The following PMS2 variants were observed in gnomAD, a reference collection of about 807,000 sequenced individuals.
PMS2 encodes PMS1 homolog 2, mismatch repair system component, also known as mismatch repair endonuclease PMS2.
In PMS2, 69 loss-of-function variants were observed where a neutral mutation model predicts 90.0. The ratio of observed to expected loss-of-function variants is 0.77; its 90% CI spans 0.63 to 0.94. The LOEUF (loss-of-function observed/expected upper bound fraction) is 0.94, where lower values mean the gene tolerates loss of function less well. Among genes scored for constraint, PMS2 ranks in the 40% least tolerant of loss-of-function variants. The pLI is 0.00. For missense variants in PMS2, 966 were observed against 1,040.2 expected, an observed-to-expected ratio of 0.93 and a Z score of 0.98; for synonymous variants, 332 against 375.1, an observed-to-expected ratio of 0.89 and a Z score of 1.33.
At chr7:5,984,528 T>C (rs1038073268) in intron 11 of PMS2, among the ~76,000 whole-genome samples, 1 of 151,762 alleles carries the variant, frequency 6.6e-6, no homozygotes, top group African/African-American at 2.4e-5. Context: ...AGCTGTAATG[T>C]AATCCCAGCA....
At position 5,989,876 on chromosome 7, in the gene PMS2, CT is replaced by C. The variant is rs587781395; in HGVS notation, c.1067del (p.Lys356ArgfsTer4). On this transcript the variant is annotated frameshift_variant, in exon 10 of 15. Transcript: ENST00000265849. LOFTEE classifies it high-confidence loss of function. ...QEEKLLLAVL[K>X]TSLIGMFDSD... ...TATCAAACATTCCTATCAAAGAGGT[CT>C]TTAAAACTGCCAACAAAAGCTTTTC... 1.2e-6 allele frequency: 2 copies of C among 1,612,310 alleles called. No individual in the cohort carries two copies. Among genetic ancestry groups the C allele is most frequent in the Non-Finnish European group, 1.7e-6 (2 of 1,178,678 alleles).
rs1255444516 is a variant in PMS2, at chr7:5,988,176, A to C, written c.1145-556T>G. On this transcript the variant is annotated intron_variant, in intron 10 of 14. Transcript: ENST00000265849. ...GATCAGGATCAAGAGGAATGCCTGA[A>C]TACCTCTGGTAGGAATGAACCTGGT... 6.6e-5 allele frequency among the ~76,000 whole-genome samples: 10 copies of C among 152,130 alleles called. No homozygotes were observed. In the East Asian group the frequency reaches 1.9e-3, roughly 29 times the overall value.
rs876658444 is a variant in PMS2 at position 6,004,062 on chromosome 7, G to A, written c.164-4C>T. On this transcript the variant is annotated splice_region_variant and splice_polypyrimidine_tract_variant and intron_variant, in intron 2 of 14. Transcript: ENST00000265849. ...CCATAGTCCTTAAGCTTTAGATCTA[G>A]AAAGTTTAAAATATTTACATATTTA... is the stretch of plus-strand genomic sequence containing the variant. The A allele has an allele frequency of 1.3e-6, 2 of 1,506,308 alleles. No homozygotes were observed. The highest frequency in any genetic ancestry group is 1.8e-6 in the Non-Finnish European group (2 of 1,085,182). 93.3% of individuals were successfully genotyped at this position (1,506,308 alleles called of 1,614,324 possible). A position where few individuals can be genotyped will look rare whatever the true frequency, so the allele number is the denominator to read the frequency against.
At chr7:5,978,211 CT>C (rs1296305979) in intron 13 of PMS2, among the ~76,000 whole-genome samples, 1 of 150,358 alleles carries the variant, frequency 6.7e-6, no homozygotes, top group Non-Finnish European at 1.5e-5. Context: ...TTAAAAAAAA[CT>C]GGTCTATATG....
upstream of PMS2, chr7:6,009,064 C>T: frequency 6.2e-7 from 1 of 1,607,486 alleles, no homozygotes; most frequent in Non-Finnish European, 8.5e-7. Flanking sequence ...AAGTTCCCTC[C>T]AGGGCTCCCA....
chr7:5,995,709 T>A, intron 7 of PMS2, 76 bp from the exon 8 acceptor site: 1 of 1,020,606 alleles, frequency 9.8e-7, no homozygotes, highest in Non-Finnish European at 1.6e-6. Flanking sequence ...GGCACATTCT[T>A]AAAGTGAAAT....
At chr7:6,002,935 ATTTGT>A (rs1785266126) in intron 4 of PMS2, among the ~76,000 whole-genome samples, 1 of 152,210 alleles carries the variant, frequency 6.6e-6, no homozygotes, top group African/African-American at 2.4e-5. Flanking sequence ...ACAAACACAG[ATTTGT>A]TTTGTTATTA....
At chr7:5,989,678 AAAAATGAT>A in intron 10 of PMS2, 114 bp downstream of exon 10, 1 of 741,158 alleles carries the variant, frequency 1.3e-6, no homozygotes, top group East Asian at 2.8e-5. Context: ...AAAAAGAATT[AAAAATGAT>A]AAAATAATAT....
At chr7:5,994,707 C>T (rs557991954) in intron 8 of PMS2, among the ~76,000 whole-genome samples, 7 of 150,666 alleles carry the variant, frequency 4.6e-5, no homozygotes, top group South Asian at 2.1e-4. Context: ...ACCTGGGAGG[C>T]GGAGCTTGCA....
intron 5 of PMS2, among the ~76,000 whole-genome samples, chr7:6,000,289 C>G (rs1784951211): frequency 6.7e-6 from 1 of 149,420 alleles, no homozygotes; most frequent in Non-Finnish European, 1.5e-5. Context: ...TGGGAAGATT[C>G]ATTGAGCCTG....
At chr7:5,986,620 A>T in intron 11 of PMS2, 139 bp downstream of exon 11, 1 of 594,178 alleles carries the variant, frequency 1.7e-6, no homozygotes, top group South Asian at 2.7e-5. Context: ...TGAACCCGGG[A>T]GGTGGAGGCT....
At chr7:5,985,085 A>G (rs1782708038) in intron 11 of PMS2, among the ~76,000 whole-genome samples, 1 of 150,858 alleles carries the variant, frequency 6.6e-6, no homozygotes, top group Non-Finnish European at 1.5e-5. Context: ...CAAAAACCAC[A>G]CCAGTGATTT....
intron 5 of PMS2, among the ~76,000 whole-genome samples, chr7:6,001,204 A>G (rs1326617501): frequency 6.6e-6 from 1 of 151,594 alleles, no homozygotes; most frequent in Non-Finnish European, 1.5e-5. Context: ...TATACTATAC[A>G]CATTTAGGCT....
chr7:5,994,737 C>G (rs1452938284), intron 8 of PMS2, among the ~76,000 whole-genome samples: 1 of 151,472 alleles, frequency 6.6e-6, no homozygotes, highest in Non-Finnish European at 1.5e-5. Flanking sequence ...GACCACGCCA[C>G]TGCACTCCAG....
chr7:6,001,373 C>CTTTT (rs35742778), intron 5 of PMS2, among the ~76,000 whole-genome samples: 4 of 138,724 alleles, frequency 2.9e-5, no homozygotes, highest in African/African-American at 5.4e-5. Flanking sequence ...GAGAAATATT[C>CTTTT]TTTTTTTTTT....
rs762387250 is a variant in PMS2 at position 5,999,165 on chromosome 7, G to A, written c.648C>T (p.Cys216=). 6.2e-7 allele frequency: 1 copy of A among 1,614,092 alleles called. No homozygotes were observed. Among genetic ancestry groups the A allele is most frequent in the Non-Finnish European group, 8.5e-7 (1 of 1,180,014 alleles). ...CCTTTATGCTGGGGCTTCCACCTGT[G>A]CATACCACAGGCTGTCGTTTTCCTT... ...LGQGKRQPVV[C]TGGSPSIKEN... Residue 216 remains cysteine, a synonymous_variant, in exon 6 of 15, where the codon TGC becomes TGT. Coordinates refer to ENST00000265849, the MANE Select transcript of PMS2 (RefSeq NM_000535.7).
chr7:6,008,147 G>A (rs878916616), intron 1 of PMS2, among the ~76,000 whole-genome samples: 1 of 152,172 alleles, frequency 6.6e-6, no homozygotes, highest in South Asian at 2.1e-4. Context: ...GTGAGTCACC[G>A]CTCTCGGCCC....
intron 5 of PMS2, among the ~76,000 whole-genome samples, chr7:6,001,581 G>C (rs1013489657): frequency 6.6e-6 from 1 of 152,068 alleles, no homozygotes; most frequent in Non-Finnish European, 1.5e-5. Flanking sequence ...AGTTTGGCCA[G>C]GATGGCTTTG....
intron 3 of PMS2, 89 bp downstream of exon 3, chr7:6,003,883 G>A: frequency 1.6e-6 from 2 of 1,267,708 alleles, no homozygotes; most frequent in South Asian, 1.2e-5. Context: ...TTAAAAAACT[G>A]TTTTTGCATT....
Sources: gnomAD v4.1 joint callset for allele counts (sites outside exome capture counted in the v4.1 genomes callset) on GRCh38, gnomAD v4.1.1 for gene constraint, MANE v1.5 for transcripts, NCBI Gene and HGNC (gene_info 2026-07-23, HGNC 2026-07-21) for gene names.